Variants in CERKL observed in about 807,000 individuals in gnomAD.
CERKL encodes the protein ceramide kinase-like protein.
In CERKL, 61 loss-of-function variants were observed where a neutral mutation model predicts 63.4. The observed-to-expected ratio is 0.96, with a 90% CI of 0.78 to 1.19. The LOEUF is 1.19. Among genes scored for constraint, CERKL ranks in the 50% most tolerant of loss-of-function variants. CERKL has a pLI of 0.00. For synonymous variants in CERKL, 250 were observed against 230.5 expected (o/e 1.08, Z -0.77); for missense variants, 675 against 655.5 (o/e 1.03, Z -0.33).
chr2:181,586,035 A>G (rs1238827629), intron 2 of CERKL, among the ~76,000 whole-genome samples: 3 of 152,218 alleles, frequency 2.0e-5, no homozygotes, highest in Non-Finnish European at 4.4e-5. Flanking sequence ...AAGCCAAGAC[A>G]AAATTCACCC....
chr2:181,639,132 AT>A (rs748409617), intron 1 of CERKL, among the ~76,000 whole-genome samples: 55 of 152,228 alleles, frequency 3.6e-4, no homozygotes, highest in Non-Finnish European at 7.1e-4. Context: ...ATGTAAAACT[AT>A]AAAGATTATT....
At chr2:181,557,986 T>C (rs1486192618) in intron 5 of CERKL, among the ~76,000 whole-genome samples, 1 of 152,166 alleles carries the variant, frequency 6.6e-6, no homozygotes, top group Non-Finnish European at 1.5e-5. Flanking sequence ...TGAGCATCAC[T>C]GTGGCATAGT....
At chr2:181,639,044 A>G (rs1414103846) in intron 1 of CERKL, among the ~76,000 whole-genome samples, 11 of 152,248 alleles carry the variant, frequency 7.2e-5, no homozygotes, top group Admixed American at 7.2e-4. Context: ...GCCATCAGCT[A>G]TAATATGGAC....
At chr2:181,640,634 T>C (rs1417935310) in intron 1 of CERKL, among the ~76,000 whole-genome samples, 3 of 152,178 alleles carry the variant, frequency 2.0e-5, no homozygotes, top group African/African-American at 7.2e-5. Flanking sequence ...TTTCTCAAAT[T>C]ACAGAGGGTA....
chr2:181,554,000 C>T (rs976762649), intron 5 of CERKL, among the ~76,000 whole-genome samples: 3 of 152,050 alleles, frequency 2.0e-5, no homozygotes, highest in Non-Finnish European at 4.4e-5. Flanking sequence ...TCAAGGTAAA[C>T]ATTTTAATTA....
In CERKL at chr2:181,537,817, C is replaced by CTAATTGTTAGTAACATCA; in HGVS notation, c.*349_*366dup. On this transcript the variant is annotated 3_prime_UTR_variant, in exon 13 of 13. Coordinates refer to ENST00000410087, the MANE Select transcript of CERKL (RefSeq NM_201548.5). ...ATCTTGACTTTTAAAGCCCTAGAGGCTAATTGTTAGTAACATCAATTTCTA... is the reference window on the plus strand; with the variant it reads ...ATCTTGACTTTTAAAGCCCTAGAGGCTAATTGTTAGTAACATCATAATTGTTAGTAACATCAATTTCTA... 2.1e-6 allele frequency: 1 copy of CTAATTGTTAGTAACATCA among 475,242 alleles called. No individual in the cohort carries two copies. Among genetic ancestry groups the CTAATTGTTAGTAACATCA allele is most frequent in the East Asian group, 6.3e-5 (1 of 15,932 alleles). The allele number at this position is 475,242 out of a possible 1,614,324, so 29.4% of individuals were successfully genotyped here. A position where few individuals can be genotyped will look rare whatever the true frequency, so the allele number is the denominator to read the frequency against.
At chr2:181,604,588 TAAAC>T (rs1463212608) in intron 1 of CERKL, among the ~76,000 whole-genome samples, 2 of 152,118 alleles carry the variant, frequency 1.3e-5, no homozygotes, top group African/African-American at 4.8e-5. Context: ...TCCAAGAACA[TAAAC>T]AAAGCGACAT....
chr2:181,597,257 C>G (rs1021365242), intron 2 of CERKL, among the ~76,000 whole-genome samples: 1 of 152,108 alleles, frequency 6.6e-6, no homozygotes, highest in Non-Finnish European at 1.5e-5. Context: ...AGTTACAATT[C>G]TGATAAAATT....
chr2:181,635,175 TA>T (rs1406286603), intron 1 of CERKL, among the ~76,000 whole-genome samples: 1 of 152,108 alleles, frequency 6.6e-6, no homozygotes, highest in Non-Finnish European at 1.5e-5. Context: ...GAACATTTCA[TA>T]AAAATAAAGC....
At chr2:181,628,054 T>A (rs778312024) in intron 1 of CERKL, among the ~76,000 whole-genome samples, 1 of 151,802 alleles carries the variant, frequency 6.6e-6, no homozygotes, top group Non-Finnish European at 1.5e-5. Flanking sequence ...AACATAAATG[T>A]CTTGTCCTGA....
At chr2:181,631,517 C>T (rs1686955006) in intron 1 of CERKL, among the ~76,000 whole-genome samples, 1 of 152,144 alleles carries the variant, frequency 6.6e-6, no homozygotes, top group Admixed American at 6.5e-5. Flanking sequence ...CACCTTCCCC[C>T]ATGCTAATGC....
At chr2:181,656,600 G>A (rs1161433190) in intron 1 of CERKL, among the ~76,000 whole-genome samples, 169 bp downstream of exon 1, 4 of 152,126 alleles carry the variant, frequency 2.6e-5, no homozygotes, top group Non-Finnish European at 5.9e-5. Flanking sequence ...TTGGGAAGGA[G>A]GAGGCGGCGA....
intron 3 of CERKL, among the ~76,000 whole-genome samples, chr2:181,570,790 A>G (rs1399724569): frequency 1.3e-5 from 2 of 152,172 alleles, no homozygotes; most frequent in African/African-American, 4.8e-5. Flanking sequence ...TATAGTGTAT[A>G]TATCTAGCTG....
At chr2:181,619,405 T>A (rs1686352752) in intron 1 of CERKL, among the ~76,000 whole-genome samples, 1 of 152,118 alleles carries the variant, frequency 6.6e-6, no homozygotes. Flanking sequence ...CCAGATGATC[T>A]TTGCACCAAT....
intron 1 of CERKL, among the ~76,000 whole-genome samples, chr2:181,642,996 G>C (rs6709122): frequency 0.44 from 66,807 of 152,032 alleles, 16,296 homozygotes; most frequent in South Asian, 0.78. Flanking sequence ...AGCTGAGTAA[G>C]GCGAGCAAAG....
chr2:181,541,657 GAAGGCCAAA>G (rs1443387787), intron 11 of CERKL, among the ~76,000 whole-genome samples: 1 of 152,228 alleles, frequency 6.6e-6, no homozygotes, highest in African/African-American at 2.4e-5. Flanking sequence ...CAGAGAACCT[GAAGGCCAAA>G]AGGAGGCTAC....
Position 181,538,059 on chromosome 2 carries a change from C to A in CERKL, c.*125G>T. 1.4e-6 allele frequency: 1 copy of A among 711,876 alleles called. No individual in the cohort carries two copies. The highest frequency in any genetic ancestry group is 2.6e-6 in the Non-Finnish European group (1 of 383,322). 44.1% of individuals were successfully genotyped at this position (711,876 alleles called of 1,614,324 possible). A position where few individuals can be genotyped will look rare whatever the true frequency, so the allele number is the denominator to read the frequency against. ...GTTCATCCTGAAACCATTCCCCCATCCACGGAAAAATTGTCTTCCATGAAA... is the reference window on the plus strand; with the variant it reads ...GTTCATCCTGAAACCATTCCCCCATACACGGAAAAATTGTCTTCCATGAAA... On this transcript the variant is annotated 3_prime_UTR_variant, in exon 13 of 13. Transcript: ENST00000410087.
chr2:181,601,560 T>G (rs3856406), intron 2 of CERKL, among the ~76,000 whole-genome samples: 1 of 152,008 alleles, frequency 6.6e-6, no homozygotes, highest in Non-Finnish European at 1.5e-5. Context: ...AGACTCCATT[T>G]AAAAATAAAA....
At chr2:181,562,572 T>C (rs769328) in intron 4 of CERKL, among the ~76,000 whole-genome samples, 11 of 152,210 alleles carry the variant, frequency 7.2e-5, no homozygotes, top group Non-Finnish European at 1.6e-4. Flanking sequence ...TTAATCACAC[T>C]TGTGTCACTC....
Sources: allele counts gnomAD v4.1 joint callset (sites outside exome capture counted in the v4.1 genomes callset), GRCh38; gene constraint gnomAD v4.1.1; transcripts MANE v1.5; gene names NCBI Gene and HGNC (gene_info 2026-07-23, HGNC 2026-07-21).